Variants in STYXL1 observed in about 807,000 individuals in gnomAD.
STYXL1 encodes serine/threonine/tyrosine-interacting-like protein 1.
STYXL1 carries 32 observed loss-of-function variants against 36.4 expected under a neutral mutation model. That is an observed-to-expected ratio of 0.88 (90% CI 0.66 to 1.18). The LOEUF is 1.18. Among genes scored for constraint, STYXL1 ranks in the 50% most tolerant of loss-of-function variants. The pLI, the probability that STYXL1 is intolerant of heterozygous loss-of-function variation, is 0.00. For synonymous variants in STYXL1, 133 were observed against 144.1 expected (o/e 0.92, Z 0.55); for missense variants, 354 against 394.1 (o/e 0.90, Z 0.86).
At chr7:76,001,881 C>G (rs534740725) in intron 7 of STYXL1, among the ~76,000 whole-genome samples, 1 of 141,772 alleles carries the variant, frequency 7.1e-6, no homozygotes, top group South Asian at 2.3e-4. Flanking sequence ...CTCGGGTGAT[C>G]TGCCCACCTT....
chr7:76,015,739 A>T (rs953290752), intron 4 of STYXL1, among the ~76,000 whole-genome samples: 10 of 152,142 alleles, frequency 6.6e-5, no homozygotes, highest in Non-Finnish European at 1.5e-5. Flanking sequence ...CAAAGTACTG[A>T]TCCTGGGCGT....
At chr7:76,026,192 CAAAAAAAAAAAAAAAAAAAAAAAA>C (rs1159067824) in intron 3 of STYXL1, among the ~76,000 whole-genome samples, 2 of 18,614 alleles carry the variant, frequency 1.1e-4, no homozygotes, top group Non-Finnish European at 1.7e-4. Flanking sequence ...ACTCTGTCTC[CAAAAAAAAAAAAAAAAAAAAAAAA>C]AAAAAAAAAA....
intron 1 of STYXL1, among the ~76,000 whole-genome samples, chr7:76,033,582 A>G (rs1227061036): frequency 2.6e-5 from 4 of 152,128 alleles, no homozygotes; most frequent in Non-Finnish European, 5.9e-5. Context: ...GAGTTACCAG[A>G]CGATGCTCCT....
intron 8 of STYXL1, chr7:75,999,273 A>C (rs1355665517): frequency 1.9e-5 from 3 of 153,988 alleles, no homozygotes; most frequent in African/African-American, 7.2e-5. Context: ...TCAGCCTTAA[A>C]AGGAAGGAAC....
chr7:76,041,447 T>C (rs1796469761), intron 1 of STYXL1, among the ~76,000 whole-genome samples: 1 of 152,134 alleles, frequency 6.6e-6, no homozygotes, highest in Non-Finnish European at 1.5e-5. Flanking sequence ...GTGGTAGTAT[T>C]GGGAGGTGGT....
chr7:76,030,339 C>T (rs991724149), intron 2 of STYXL1, 82 bp downstream of exon 2: 56 of 1,084,490 alleles, frequency 5.2e-5, no homozygotes, highest in Admixed American at 9.2e-5. Context: ...CCCCCCACCC[C>T]GCCAAAAGTT....
intron 4 of STYXL1, among the ~76,000 whole-genome samples, chr7:76,018,083 G>T (rs1793617762): frequency 6.6e-6 from 1 of 151,538 alleles, no homozygotes; most frequent in Non-Finnish European, 1.5e-5. Flanking sequence ...GCCCAGACTG[G>T]TCTCGACTCC....
At chr7:76,036,407 G>A (rs1187235265) in intron 1 of STYXL1, among the ~76,000 whole-genome samples, 1 of 149,946 alleles carries the variant, frequency 6.7e-6, no homozygotes, top group Non-Finnish European at 1.5e-5. Flanking sequence ...GGTCCCTGGA[G>A]AGTTTAGCTG....
chr7:76,015,343 C>T (rs1793147596), intron 4 of STYXL1, among the ~76,000 whole-genome samples: 1 of 152,086 alleles, frequency 6.6e-6, no homozygotes, highest in Admixed American at 6.6e-5. Context: ...GAAACTGGAC[C>T]CCTATCACCA....
At chr7:76,013,311 G>GC (rs1368195687) in intron 5 of STYXL1, among the ~76,000 whole-genome samples, 10 of 146,648 alleles carry the variant, frequency 6.8e-5, no homozygotes, top group Non-Finnish European at 1.3e-4. Context: ...GGGCGACAGA[G>GC]CGAGACTCCG....
intron 5 of STYXL1, among the ~76,000 whole-genome samples, chr7:76,011,256 T>C (rs140912652): frequency 2.0e-4 from 31 of 152,290 alleles, no homozygotes; most frequent in African/African-American, 7.0e-4. Context: ...AACAACTCAT[T>C]GGCCAATTTT....
chr7:76,012,698 T>C (rs1466399057), intron 5 of STYXL1, among the ~76,000 whole-genome samples: 3 of 151,882 alleles, frequency 2.0e-5, no homozygotes, highest in Non-Finnish European at 4.4e-5. Flanking sequence ...GCCAGCTCCA[T>C]TTATTGATTT....
Position 76,030,500 on chromosome 7 carries a change from T to G in STYXL1, c.24A>C (p.Glu8Asp). 1 of 1,613,714 alleles carries G rather than the reference T, an allele frequency of 6.2e-7. No individual in the cohort carries two copies. Among genetic ancestry groups the G allele is most frequent in the South Asian group, 1.1e-5 (1 of 91,070 alleles). ...TCAGGATGTTGTAAAGCTCTGTTGG[T>G]TCACATAAAAGCAAACCAGGCATCC... is the stretch of plus-strand genomic sequence containing the variant. MPGLLLC[E>D]PTELYNILNQ... The change falls in exon 2 of 9, where the codon GAA becomes GAC. Residue 8 changes from glutamate to aspartate, a missense_variant. Physicochemically the swap from Glu to Asp is conservative, Grantham distance 45. Transcript: ENST00000359697.
rs200880666 is a variant in STYXL1 at position 76,031,161 on chromosome 7, A to AAAT, written c.-4-637_-4-635dup. ...GGGTGACAGAGCGAGACTCTGTCTA[A>AAAT]AATAATAATAATAATAATAATTAGC... On this transcript the variant is annotated intron_variant, in intron 1 of 8. Transcript: ENST00000359697. 6.5e-3 allele frequency among the ~76,000 whole-genome samples: 930 copies of AAAT among 142,034 alleles called. 30 individuals carry two copies. In the East Asian group the frequency reaches 0.093, roughly 14 times the overall value. The allele number at this position is 142,034 out of a possible 152,430, so 93.2% of individuals were successfully genotyped here. A position where few individuals can be genotyped will look rare whatever the true frequency, so the allele number is the denominator to read the frequency against.
intron 4 of STYXL1, among the ~76,000 whole-genome samples, chr7:76,017,758 G>A (rs1480732701): frequency 1.7e-4 from 26 of 149,016 alleles, no homozygotes; most frequent in East Asian, 6.1e-4. Context: ...GGGGTGGTGC[G>A]CACCTGTATT....
intron 1 of STYXL1, among the ~76,000 whole-genome samples, chr7:76,046,991 G>A (rs1430161394): frequency 1.3e-5 from 2 of 151,616 alleles, no homozygotes; most frequent in Non-Finnish European, 1.5e-5. Flanking sequence ...GCCGGGCGCG[G>A]TGGCTCACGC....
intron 7 of STYXL1, among the ~76,000 whole-genome samples, chr7:76,002,463 A>C (rs1339707102): frequency 3.9e-5 from 6 of 152,208 alleles, no homozygotes; most frequent in African/African-American, 1.4e-4. Context: ...GAATAAAGGA[A>C]CTGAGCATGC....
chr7:76,039,838 G>A (rs1314567671), intron 1 of STYXL1, among the ~76,000 whole-genome samples: 4 of 151,972 alleles, frequency 2.6e-5, no homozygotes, highest in Admixed American at 2.6e-4. Context: ...ATAGAGACGG[G>A]GTTTCACCAC....
At chr7:76,029,578 A>G (rs555133466) in intron 2 of STYXL1, among the ~76,000 whole-genome samples, 1 of 152,290 alleles carries the variant, frequency 6.6e-6, no homozygotes, top group East Asian at 1.9e-4. Context: ...ACTCAAGCCC[A>G]TTACATTTTT....
Sources: gnomAD v4.1 joint callset for allele counts (sites outside exome capture counted in the v4.1 genomes callset) on GRCh38, gnomAD v4.1.1 for gene constraint, MANE v1.5 for transcripts, NCBI Gene and HGNC (gene_info 2026-07-23, HGNC 2026-07-21) for gene names.